SORCS1: variants seen among roughly 807,000 people sequenced by gnomAD.
The protein encoded by SORCS1 is VPS10 domain-containing receptor SorCS1.
Under a neutral mutation model 146.1 loss-of-function variants are expected in SORCS1, and 60 were observed. The ratio of observed to expected loss-of-function variants is 0.41; its 90% CI spans 0.33 to 0.51. SORCS1 has a LOEUF of 0.51. Ranked by LOEUF, SORCS1 falls within the 20% of genes least tolerant of loss-of-function variation. The probability of loss-of-function intolerance (pLI) is 0.21; values close to 1 mark genes in which losing one functional copy is unlikely to be tolerated. For synonymous variants in SORCS1, 637 were observed against 584.0 expected (o/e 1.09, Z -1.31); for missense variants, 1,352 against 1,487.6 (o/e 0.91, Z 1.50).
At chr10:107,039,462 A>C (rs1959067933) in intron 1 of SORCS1, among the ~76,000 whole-genome samples, 1 of 152,154 alleles carries the variant, frequency 6.6e-6, no homozygotes, top group Non-Finnish European at 1.5e-5. Context: ...TGCCAAGAAT[A>C]TTTTAATATT....
intron 5 of SORCS1, among the ~76,000 whole-genome samples, chr10:106,745,974 C>G (rs564021553): frequency 4.0e-4 from 61 of 152,250 alleles, no homozygotes; most frequent in Non-Finnish European, 7.5e-4. Flanking sequence ...GAGAAAATAT[C>G]AGACTAACTA....
At chr10:106,972,837 T>C (rs1955846904) in intron 1 of SORCS1, among the ~76,000 whole-genome samples, 1 of 152,216 alleles carries the variant, frequency 6.6e-6, no homozygotes, top group Non-Finnish European at 1.5e-5. Flanking sequence ...GTATGTCATT[T>C]AATCCATTCT....
chr10:106,868,250 C>T (rs11193081), intron 2 of SORCS1, among the ~76,000 whole-genome samples: 65,633 of 151,788 alleles, frequency 0.43, 14,254 homozygotes, highest in East Asian at 0.49. Flanking sequence ...ATAATAATAG[C>T]GGGAGACTTC....
chr10:106,768,876 G>A (rs899325483), intron 4 of SORCS1, among the ~76,000 whole-genome samples: 27 of 152,136 alleles, frequency 1.8e-4, no homozygotes, highest in Admixed American at 1.3e-3. Flanking sequence ...TTTTGCATGC[G>A]TTATCTCAGT....
intron 22 of SORCS1, among the ~76,000 whole-genome samples, chr10:106,608,735 GT>G (rs1308960254): frequency 6.6e-6 from 1 of 152,196 alleles, no homozygotes. Context: ...CATGCAGGAT[GT>G]TTACTAAGAA....
intron 1 of SORCS1, among the ~76,000 whole-genome samples, chr10:107,000,700 G>A (rs557995994): frequency 5.1e-4 from 78 of 151,904 alleles, no homozygotes; most frequent in Non-Finnish European, 1.0e-3. Flanking sequence ...GTTTCAATTA[G>A]TTTTTACAGG....
Position 107,016,042 on chromosome 10 carries a change from T to C in SORCS1, c.559-59462A>G, listed in dbSNP as rs531914253. ...ATTATAAATTAATAGGAAAAGACAA[T>C]TGGCCGAGCAGGTTTAAGAATGTCA... On this transcript the variant is annotated intron_variant, in intron 1 of 25. Transcript: ENST00000263054. Among the ~76,000 whole-genome samples, 8 of 152,260 alleles carry C rather than the reference T, an allele frequency of 5.3e-5. No homozygotes were observed. The South Asian group carries it at 1.7e-3, about 32-fold the overall frequency.
intron 23 of SORCS1, among the ~76,000 whole-genome samples, chr10:106,602,696 C>A (rs1173638042): frequency 6.6e-6 from 1 of 152,134 alleles, no homozygotes; most frequent in Non-Finnish European, 1.5e-5. Flanking sequence ...CCTCCTGACA[C>A]ATTTGCTCTG....
At chr10:107,175,498 C>T in the SORCS1 span, among the ~76,000 whole-genome samples, 2 of 152,052 alleles carry the variant, frequency 1.3e-5, no homozygotes, top group African/African-American at 2.4e-5. Flanking sequence ...AGTGCAGTGG[C>T]GTGATCTTGG....
At position 106,579,467 on chromosome 10, in the gene SORCS1, C is replaced by A. The variant is rs142773000; in HGVS notation, c.3273G>T (p.Leu1091=). The A allele has an allele frequency of 2.8e-4, 456 of 1,613,532 alleles. 1 individual carries two copies. Among genetic ancestry groups the A allele is most frequent in the Non-Finnish European group, 3.7e-4 (437 of 1,179,878 alleles). The change falls in exon 25 of 26, where the codon CTG becomes CTT. Residue 1091 remains leucine, a synonymous_variant. Coordinates refer to ENST00000263054, the MANE Select transcript of SORCS1 (RefSeq NM_052918.5). ...VHAAHLTAAP[L]VDLTPTHSGS... ...CACTGTGGGTTGGAGTGAGGTCCAC[C>A]AGGGGGGCTTGTGGGGGAAACAGAG...
rs188352547 is a variant in SORCS1, at chr10:106,793,903, C to A, written c.727-17211G>T. On this transcript the variant is annotated intron_variant, in intron 3 of 25. Transcript: ENST00000263054. The stretch of plus-strand genomic sequence containing the variant: ...ATATGTCTCCCCAATTTAACACTTG[C>A]CAACAATGTAAATGAGCACATGTGC... Among the ~76,000 whole-genome samples the A allele has an allele frequency of 3.0e-3, 456 of 152,312 alleles. 1 individual carries two copies. Among genetic ancestry groups the A allele is most frequent in the Non-Finnish European group, 4.5e-3 (305 of 68,024 alleles).
chr10:106,905,016 T>C (rs1951854983), intron 2 of SORCS1, among the ~76,000 whole-genome samples: 2 of 152,322 alleles, frequency 1.3e-5, no homozygotes, highest in Admixed American at 6.5e-5. Context: ...CTCTACTGTG[T>C]AGATGAATAC....
chr10:106,808,535 C>T (rs1202650506), intron 3 of SORCS1, among the ~76,000 whole-genome samples: 2 of 152,048 alleles, frequency 1.3e-5, no homozygotes, highest in Non-Finnish European at 2.9e-5. Flanking sequence ...CGGAGTGTCG[C>T]TCTGTCGCCC....
At chr10:107,094,697 G>C (rs1186196283) in intron 1 of SORCS1, among the ~76,000 whole-genome samples, 1 of 152,304 alleles carries the variant, frequency 6.6e-6, no homozygotes, top group East Asian at 1.9e-4. Flanking sequence ...TCAGTAGTTG[G>C]TAATATCAGA....
intron 6 of SORCS1, among the ~76,000 whole-genome samples, chr10:106,719,714 A>C (rs1009478251): frequency 6.6e-6 from 1 of 152,276 alleles, no homozygotes; most frequent in African/African-American, 2.4e-5. Flanking sequence ...CCCGGCCTCA[A>C]TGAATAACTT....
intron 1 of SORCS1, among the ~76,000 whole-genome samples, chr10:106,979,294 G>T (rs751868410): frequency 6.6e-6 from 1 of 152,128 alleles, no homozygotes; most frequent in Non-Finnish European, 1.5e-5. Context: ...TAGGAAGTTT[G>T]TAAGACAGTA....
intron 2 of SORCS1, among the ~76,000 whole-genome samples, chr10:106,949,756 T>A (rs1351468091): frequency 6.6e-6 from 1 of 152,144 alleles, no homozygotes; most frequent in Non-Finnish European, 1.5e-5. Context: ...CCTGCTTGTG[T>A]CCCATGTGGA....
chr10:106,577,152 G>T lies in SORCS1; in HGVS notation c.*268C>A. 2 of 1,316,042 alleles carry T rather than the reference G, an allele frequency of 1.5e-6. No individual in the cohort carries two copies. Among genetic ancestry groups the T allele is most frequent in the Non-Finnish European group, 2.0e-6 (2 of 984,348 alleles). The allele number at this position is 1,316,042 out of a possible 1,614,324, so 81.5% of individuals were successfully genotyped here. The stretch of plus-strand genomic sequence containing the variant: ...GCAGTGAGTGTTTGTTTGTTTGTTT[G>T]GATTTTGATTGTTTATATTTTATGT... On this transcript the variant is annotated 3_prime_UTR_variant, in exon 26 of 26. Coordinates refer to ENST00000263054, the MANE Select transcript of SORCS1 (RefSeq NM_052918.5).
chr10:107,124,272 A>C (rs1966576301), intron 1 of SORCS1, among the ~76,000 whole-genome samples: 1 of 152,096 alleles, frequency 6.6e-6, no homozygotes, highest in Admixed American at 6.5e-5. Flanking sequence ...CTGGCCTCCA[A>C]GTTCATGACT....
Sources: gnomAD v4.1 joint callset for allele counts (sites outside exome capture counted in the v4.1 genomes callset) on GRCh38, gnomAD v4.1.1 for gene constraint, MANE v1.5 for transcripts, NCBI Gene and HGNC (gene_info 2026-07-23, HGNC 2026-07-21) for gene names.